CACNA1A: variants seen among roughly 807,000 people sequenced by gnomAD.
CACNA1A encodes calcium voltage-gated channel subunit alpha1 A.
Under a neutral mutation model 262.4 loss-of-function variants are expected in CACNA1A, and 57 were observed. The observed-to-expected ratio is 0.22, with a 90% CI of 0.18 to 0.27. The LOEUF (loss-of-function observed/expected upper bound fraction) is 0.27. Ranked by LOEUF, CACNA1A falls within the 10% of genes least tolerant of loss-of-function variation. CACNA1A has a pLI of 1.00. For missense variants in CACNA1A, 2,526 were observed against 3,562.8 expected, an observed-to-expected ratio of 0.71 and a Z score of 7.41; for synonymous variants, 1,431 against 1,419.3, an observed-to-expected ratio of 1.01 and a Z score of -0.18.
chr19:13,307,624 T>G, intron 15 of CACNA1A, 158 bp downstream of exon 15: 1 of 627,514 alleles, frequency 1.6e-6, no homozygotes, highest in East Asian at 2.7e-5. Flanking sequence ...GGCCTCACCA[T>G]AATTGAATAA....
chr19:13,321,091 T>C (rs997830516), intron 10 of CACNA1A, among the ~76,000 whole-genome samples: 1 of 150,582 alleles, frequency 6.6e-6, no homozygotes, highest in African/African-American at 2.4e-5. Context: ...TGGAGTGCAG[T>C]GGCACGATCT....
At chr19:13,492,877 C>T (rs1002925233) in intron 1 of CACNA1A, among the ~76,000 whole-genome samples, 2 of 152,114 alleles carry the variant, frequency 1.3e-5, no homozygotes, top group African/African-American at 4.8e-5. Flanking sequence ...CATTCCCCTC[C>T]ATCTCTAAGC....
chr19:13,376,815 GTGTGATATATAACACATGTTATA>G (rs1336175742), intron 3 of CACNA1A, among the ~76,000 whole-genome samples: 37 of 96,160 alleles, frequency 3.8e-4, no homozygotes, highest in East Asian at 1.4e-3. Context: ...TATATGTTAT[GTGTGATATATAACACATGTTATA>G]TGTGATATAT....
intron 15 of CACNA1A, among the ~76,000 whole-genome samples, chr19:13,304,277 G>C (rs2057852041): frequency 6.6e-6 from 1 of 151,984 alleles, no homozygotes; most frequent in Non-Finnish European, 1.5e-5. Flanking sequence ...GCCTTTAAGA[G>C]GTAACTAGGG....
chr19:13,335,514 A>G (rs2058548144), intron 7 of CACNA1A, among the ~76,000 whole-genome samples: 2 of 152,208 alleles, frequency 1.3e-5, no homozygotes, highest in African/African-American at 4.8e-5. Flanking sequence ...CCGTTAGAGC[A>G]TATGCTATGA....
chr19:13,208,982 G>T lies in CACNA1A; in HGVS notation c.6554C>A (p.Thr2185Asn). The stretch of plus-strand genomic sequence containing the variant: ...CTTCGACGGCAGGTCCCCGGATTGG[G>T]TGGTCATGCTCAGGTCTGTCCCCAA... ...TGLGTDLSMT[T>N]QSGDLPSKER... The change falls in exon 46 of 47, where the codon ACC (threonine) becomes AAC (asparagine). Residue 2185 changes from threonine to asparagine, a missense_variant. By Grantham distance (65) the Thr-to-Asn change is moderately conservative (BLOSUM62 0). Around this residue, in one of 17 missense-constraint regions of CACNA1A, gnomAD observed 929 missense variants for 868.1 expected, o/e 1.07. Transcript: ENST00000360228. The T allele has an allele frequency of 6.5e-7, 1 of 1,537,386 alleles. No homozygotes were observed. Among genetic ancestry groups the T allele is most frequent in the South Asian group, 1.2e-5 (1 of 84,068 alleles).
intron 1 of CACNA1A, among the ~76,000 whole-genome samples, chr19:13,456,953 T>C (rs1028012364): frequency 2.0e-5 from 3 of 151,718 alleles, no homozygotes; most frequent in Non-Finnish European, 4.4e-5. Flanking sequence ...GGTGGGAATA[T>C]AAAATGGTGT....
intron 3 of CACNA1A, among the ~76,000 whole-genome samples, chr19:13,383,443 C>T (rs2059555153): frequency 6.6e-6 from 1 of 152,170 alleles, no homozygotes; most frequent in African/African-American, 2.4e-5. Context: ...TGCCAGTTTT[C>T]CGTCACTCCT....
chr19:13,450,286 CA>C (rs1209821037), intron 3 of CACNA1A: 31 of 152,180 alleles, frequency 2.0e-4, no homozygotes, highest in African/African-American at 7.5e-4. Context: ...ATGTCAGATA[CA>C]GTCCAGCCTC....
intron 4 of CACNA1A, among the ~76,000 whole-genome samples, chr19:13,367,661 G>C (rs1425484313): frequency 6.6e-6 from 1 of 152,116 alleles, no homozygotes; most frequent in African/African-American, 2.4e-5. Flanking sequence ...CCGGGAGGTG[G>C]AGCTTGCAGT....
In CACNA1A at chr19:13,214,010, G is replaced by A; in HGVS notation, c.5940+223C>T. On this transcript the variant is annotated intron_variant, in intron 40 of 46. Transcript: ENST00000360228. This position sits in a 1 kb window ranked among gnomAD's most constrained non-coding sequence, Gnocchi z 4.1. ...TAATGTTTTATTTTGTAGAGATGGA[G>A]TCTCACTGTGTTGCCCAGGGTGGTC... 1 of 545,092 alleles carries A rather than the reference G, an allele frequency of 1.8e-6. No homozygotes were observed. The highest frequency in any genetic ancestry group is 3.1e-5 in the East Asian group (1 of 32,288). The allele number at this position is 545,092 out of a possible 1,614,324, so 33.8% of individuals were successfully genotyped here.
At position 13,207,506 on chromosome 19, in the gene CACNA1A, GCGTGTCGTA is replaced by G; in HGVS notation, c.7319_7327del (p.Val2440_His2442del). 1 of 1,427,068 alleles carries G rather than the reference GCGTGTCGTA, an allele frequency of 7.0e-7. No individual in the cohort carries two copies. Among genetic ancestry groups the G allele is most frequent in the Non-Finnish European group, 9.1e-7 (1 of 1,095,768 alleles). The allele number at this position is 1,427,068 out of a possible 1,614,324, so 88.4% of individuals were successfully genotyped here. ...CGAGCGCCCGGTGGCGCCCGAGGAC[GCGTGTCGTA>G]CGGGGGGTGGCGCGTCGTAGGCCCC... On this transcript the variant is annotated inframe_deletion, in exon 47 of 47. Transcript: ENST00000360228. This position sits in a 1 kb window ranked among gnomAD's most constrained non-coding sequence, Gnocchi z 5.7.
intron 6 of CACNA1A, among the ~76,000 whole-genome samples, chr19:13,346,616 T>TATA (rs2058767803): frequency 2.0e-5 from 1 of 50,384 alleles, no homozygotes; most frequent in Non-Finnish European, 3.3e-5. Context: ...TTTTAATTGA[T>TATA]TATATATATA....
At chr19:13,435,417 T>A (rs2060592147) in intron 3 of CACNA1A, among the ~76,000 whole-genome samples, 1 of 151,810 alleles carries the variant, frequency 6.6e-6, no homozygotes, top group South Asian at 2.1e-4. Context: ...CAGCCAAGCA[T>A]CTCGTTATAG....
intron 3 of CACNA1A, among the ~76,000 whole-genome samples, chr19:13,388,859 T>C (rs1185556695): frequency 6.6e-6 from 1 of 152,154 alleles, no homozygotes; most frequent in Non-Finnish European, 1.5e-5. Flanking sequence ...GTTAGACACA[T>C]TCTGTTGTTT....
chr19:13,477,650 G>A (rs1978714764), intron 1 of CACNA1A, among the ~76,000 whole-genome samples: 1 of 152,196 alleles, frequency 6.6e-6, no homozygotes, highest in African/African-American at 2.4e-5. Context: ...GGCTGGGGAT[G>A]CAACAGAAGA....
chr19:13,242,934 C>T (rs1370431094), intron 31 of CACNA1A, among the ~76,000 whole-genome samples: 2 of 152,140 alleles, frequency 1.3e-5, no homozygotes, highest in Non-Finnish European at 2.9e-5. Context: ...CCATGAACAC[C>T]CCATGCCCCA....
Position 13,327,609 on chromosome 19 carries a change from T to C in CACNA1A, c.1345+2635A>G, listed in dbSNP as rs536629298. 7.9e-5 allele frequency among the ~76,000 whole-genome samples: 12 copies of C among 151,844 alleles called. No homozygotes were observed. In the East Asian group the frequency reaches 1.9e-3, roughly 24 times the overall value. On this transcript the variant is annotated intron_variant, in intron 10 of 46. Transcript: ENST00000360228. Reference sequence around the variant, plus strand: ...TATTTTTTTGATGGAGTTTCACTCTTGATGCCCAGGCTGGAGGGCAATGGC... The same window carrying C: ...TATTTTTTTGATGGAGTTTCACTCTCGATGCCCAGGCTGGAGGGCAATGGC...
At chr19:13,350,890 T>A (rs190079193) in intron 6 of CACNA1A, among the ~76,000 whole-genome samples, 2 of 151,818 alleles carry the variant, frequency 1.3e-5, no homozygotes, top group East Asian at 3.9e-4. Context: ...CAGCCCTAGC[T>A]ATTCAGGAGG....
Sources: allele counts gnomAD v4.1 joint callset (sites outside exome capture counted in the v4.1 genomes callset), GRCh38; gene constraint gnomAD v4.1.1; regional missense constraint gnomAD v4.1.1; non-coding constraint Gnocchi (gnomAD v3.1); transcripts MANE v1.5; gene names NCBI Gene and HGNC (gene_info 2026-07-23, HGNC 2026-07-21).